CARMIL1: variants seen among roughly 807,000 people sequenced by gnomAD.
The protein encoded by CARMIL1 is F-actin-uncapping protein LRRC16A.
In CARMIL1, 90 loss-of-function variants were observed where a neutral mutation model predicts 177.1. The observed-to-expected ratio is 0.51, with a 90% confidence interval of 0.43 to 0.61. The LOEUF (loss-of-function observed/expected upper bound fraction) is 0.61. Among genes scored for constraint, CARMIL1 ranks in the 20% least tolerant of loss-of-function variants. CARMIL1 has a pLI of 0.00. For synonymous variants in CARMIL1, 577 were observed against 606.2 expected (o/e 0.95, Z 0.71); for missense variants, 1,380 against 1,667.0 (o/e 0.83, Z 3.00).
intron 29 of CARMIL1, among the ~76,000 whole-genome samples, chr6:25,570,280 A>G (rs2151216749): frequency 6.6e-6 from 1 of 152,306 alleles, no homozygotes; most frequent in Non-Finnish European, 1.5e-5. Context: ...CACTTTTTAA[A>G]AATTTATAAT....
intron 32 of CARMIL1, among the ~76,000 whole-genome samples, chr6:25,595,925 T>C (rs1249343334): frequency 6.6e-6 from 1 of 152,216 alleles, no homozygotes; most frequent in Non-Finnish European, 1.5e-5. Context: ...TAATATATAG[T>C]CTGCCCCTCA....
At chr6:25,368,742 G>A (rs917028580) in intron 2 of CARMIL1, among the ~76,000 whole-genome samples, 3 of 151,942 alleles carry the variant, frequency 2.0e-5, no homozygotes, top group African/African-American at 7.3e-5. Context: ...ATTTAGATGT[G>A]GAATTAATGA....
Position 25,606,084 on chromosome 6 carries a change from C to A in CARMIL1, c.3658C>A (p.Pro1220Thr), listed in dbSNP as rs151246409. 6.2e-7 allele frequency: 1 copy of A among 1,613,760 alleles called. No individual in the cohort carries two copies. Among genetic ancestry groups the A allele is most frequent in the Non-Finnish European group, 8.5e-7 (1 of 1,179,766 alleles). The change falls in exon 35 of 37, where the codon CCA becomes ACA. Residue 1220 changes from proline (P) to threonine (T), a missense_variant. Physicochemically the swap from Pro to Thr is conservative, Grantham distance 38. Transcript: ENST00000329474. The stretch of plus-strand genomic sequence containing the variant: ...AGTGCCTAAACTGCACCCAGGTCTT[C>A]CAGAGAACCGCTTTGGTTTGGGAAC... ...GAVPKLHPGL[P>T]ENRFGLGTPE... is the part of the protein sequence containing the mutation.
rs934470389 is a variant in CARMIL1 at position 25,384,977 on chromosome 6, C to G, written c.139-35137C>G. 2.0e-5 allele frequency among the ~76,000 whole-genome samples: 3 copies of G among 152,124 alleles called. No individual in the cohort carries two copies. In the East Asian group the frequency reaches 5.8e-4, roughly 29 times the overall value. Reference sequence around the variant, plus strand: ...ATCCAAGCATCCAGCAAACATTTATCGAGTACCTATTATGTGCTGAGTACT... The same window carrying G: ...ATCCAAGCATCCAGCAAACATTTATGGAGTACCTATTATGTGCTGAGTACT... On this transcript the variant is annotated intron_variant, in intron 2 of 36. Coordinates refer to ENST00000329474, the MANE Select transcript of CARMIL1 (RefSeq NM_017640.6).
Position 25,554,032 on chromosome 6 carries a change from C to T in CARMIL1, c.2528C>T (p.Ser843Leu), listed in dbSNP as rs1457601371. 3 of 1,601,352 alleles carry T rather than the reference C, an allele frequency of 1.9e-6. No individual in the cohort carries two copies. The highest frequency in any genetic ancestry group is 2.6e-6 in the Non-Finnish European group (3 of 1,173,600). The change falls in exon 28 of 37, where the codon TCG becomes TTG. Residue 843 changes from serine to leucine, a missense_variant. Ser to Leu is a moderately radical substitution (Grantham distance 145). Transcript: ENST00000329474. The surrounding 1 kb of genome is among the most constrained non-coding windows in gnomAD (Gnocchi z 4.6). ...AGTGAAGTAAAATTGACAGTGGCCT[C>T]GTTCCTGTCTGATAGAATTGTGGAT... is the stretch of plus-strand genomic sequence containing the variant. ...KISEVKLTVA[S>L]FLSDRIVDEI...
intron 2 of CARMIL1, among the ~76,000 whole-genome samples, chr6:25,400,486 C>G (rs370528650): frequency 4.6e-5 from 7 of 152,096 alleles, no homozygotes; most frequent in African/African-American, 1.7e-4. Flanking sequence ...TTATTGTCAC[C>G]TTTTGTTGTA....
At chr6:25,384,839 GT>G (rs756095490) in intron 2 of CARMIL1, among the ~76,000 whole-genome samples, 3 of 152,146 alleles carry the variant, frequency 2.0e-5, no homozygotes, top group Admixed American at 6.5e-5. Context: ...GCTTAAATTT[GT>G]TTATTTTTTC....
At chr6:25,324,539 T>C (rs1784925006) in intron 2 of CARMIL1, among the ~76,000 whole-genome samples, 1 of 152,176 alleles carries the variant, frequency 6.6e-6, no homozygotes, top group Non-Finnish European at 1.5e-5. Context: ...TTGTTCAGTT[T>C]CATGGCTTTT....
chr6:25,583,128 T>C (rs186193762), intron 31 of CARMIL1, among the ~76,000 whole-genome samples: 2 of 152,196 alleles, frequency 1.3e-5, no homozygotes, highest in African/African-American at 2.4e-5. Context: ...CTCTGAAGAC[T>C]TGGGGACAGA....
intron 2 of CARMIL1, among the ~76,000 whole-genome samples, chr6:25,330,280 T>G (rs903820410): frequency 1.3e-5 from 2 of 152,162 alleles, no homozygotes; most frequent in Non-Finnish European, 2.9e-5. Context: ...AGTTGAGCCT[T>G]AAGGCCCGGA....
chr6:25,413,265 A>C (rs1481175689), intron 2 of CARMIL1, among the ~76,000 whole-genome samples: 1 of 152,232 alleles, frequency 6.6e-6, no homozygotes, highest in Non-Finnish European at 1.5e-5. Context: ...GTTTGCTTGC[A>C]AATTAGAGAG....
At chr6:25,322,564 G>GTGAATGC (rs1183038535) in intron 2 of CARMIL1, among the ~76,000 whole-genome samples, 1 of 152,200 alleles carries the variant, frequency 6.6e-6, no homozygotes, top group Non-Finnish European at 1.5e-5. Context: ...GTGGCTGTCA[G>GTGAATGC]TGAATGCTGC....
Position 25,604,863 on chromosome 6 carries a change from G to A in CARMIL1, c.3604G>A (p.Gly1202Ser), listed in dbSNP as rs1012899. 0.76 allele frequency: 1,220,134 copies of A among 1,596,048 alleles called. 467,656 individuals are homozygous for A. The highest frequency in any genetic ancestry group is 0.91 in the East Asian group (40,524 of 44,318). Residue 1202 changes from glycine (G) to serine (S), a missense_variant, in exon 34 of 37, where the codon GGC becomes AGC. Physicochemically the swap from Gly to Ser is moderately conservative, Grantham distance 56 (BLOSUM62 0). Coordinates refer to ENST00000329474, the MANE Select transcript of CARMIL1 (RefSeq NM_017640.6). ...SQDSSSPALS[G>S]VERSDGGGAV... is the part of the protein sequence containing the mutation. ...GGATTCTTCCAGCCCAGCTTTGAGCGGCGTAGAACGGTCGGATGGAGGTGG... is the reference window on the plus strand; with the variant it reads ...GGATTCTTCCAGCCCAGCTTTGAGCAGCGTAGAACGGTCGGATGGAGGTGG...
intron 2 of CARMIL1, among the ~76,000 whole-genome samples, chr6:25,308,620 A>G (rs1233273908): frequency 1.3e-5 from 2 of 151,562 alleles, no homozygotes; most frequent in African/African-American, 4.9e-5. Context: ...TGACCTTGTG[A>G]TCCACCTGCC....
At chr6:25,586,514 G>A (rs1264718630) in intron 31 of CARMIL1, among the ~76,000 whole-genome samples, 1 of 151,190 alleles carries the variant, frequency 6.6e-6, no homozygotes, top group Non-Finnish European at 1.5e-5. Context: ...CAGACGATGG[G>A]CGGCCAGGCA....
chr6:25,479,257 G>C (rs1244973267), intron 11 of CARMIL1: 1 of 518,498 alleles, frequency 1.9e-6, no homozygotes, highest in Non-Finnish European at 3.9e-6. Context: ...AGCTTTGCCT[G>C]TTCTTTGCCT....
intron 2 of CARMIL1, among the ~76,000 whole-genome samples, chr6:25,374,772 G>A (rs961283672): frequency 2.0e-5 from 3 of 151,968 alleles, no homozygotes; most frequent in East Asian, 1.9e-4. Context: ...TTATATAATG[G>A]CATTTTTTGT....
intron 29 of CARMIL1, among the ~76,000 whole-genome samples, chr6:25,562,619 AC>A (rs1217130921): frequency 1.3e-5 from 2 of 152,162 alleles, no homozygotes; most frequent in African/African-American, 2.4e-5. Context: ...TACCCAAGAG[AC>A]AAAAGATTTC....
At position 25,619,837 on chromosome 6, in the gene CARMIL1, C is replaced by T. The variant is rs1193183412; in HGVS notation, c.*254C>T. The T allele has an allele frequency of 4.5e-6, 1 of 224,540 alleles. No homozygotes were observed. 13.9% of individuals were successfully genotyped at this position (224,540 alleles called of 1,614,324 possible). On this transcript the variant is annotated 3_prime_UTR_variant, in exon 37 of 37. Coordinates refer to ENST00000329474, the MANE Select transcript of CARMIL1 (RefSeq NM_017640.6). ...TCCTCCAACCCTTTGCATTTGATTT[C>T]TAAACATTCCTTCATATGCCTTTAA... is the stretch of plus-strand genomic sequence containing the variant.
Sources: gnomAD v4.1 joint callset for allele counts (sites outside exome capture counted in the v4.1 genomes callset) on GRCh38, gnomAD v4.1.1 for gene constraint, Gnocchi (gnomAD v3.1) non-coding constraint, MANE v1.5 for transcripts, NCBI Gene and HGNC (gene_info 2026-07-23, HGNC 2026-07-21) for gene names.